Variants in CDCA7L observed in about 807,000 individuals in gnomAD.
CDCA7L encodes the protein cell division cycle associated 7 like.
A neutral mutation model predicts 57.4 loss-of-function variants in CDCA7L; 44 were observed. The observed-to-expected ratio is 0.77, with a 90% CI of 0.60 to 0.98. CDCA7L has a LOEUF of 0.98. Among genes scored for constraint, CDCA7L ranks in the 50% least tolerant of loss-of-function variants. CDCA7L has a pLI of 0.00. For missense variants in CDCA7L, 644 were observed against 580.6 expected (o/e 1.11, Z -1.12); for synonymous variants, 236 against 202.8 (o/e 1.16, Z -1.39).
At chr7:21,934,853 T>C (rs1786117113) in intron 1 of CDCA7L, among the ~76,000 whole-genome samples, 1 of 152,190 alleles carries the variant, frequency 6.6e-6, no homozygotes, top group African/African-American at 2.4e-5. Context: ...GCCAATTCAC[T>C]AGAAGATAGA....
intron 1 of CDCA7L, among the ~76,000 whole-genome samples, chr7:21,941,595 G>T (rs939778653): frequency 2.0e-5 from 3 of 152,106 alleles, no homozygotes; most frequent in African/African-American, 7.2e-5. Flanking sequence ...GCATAATCTG[G>T]TGAGTTCCTA....
intron 1 of CDCA7L, among the ~76,000 whole-genome samples, chr7:21,919,917 G>A (rs1199739331): frequency 6.6e-6 from 1 of 152,098 alleles, no homozygotes; most frequent in East Asian, 1.9e-4. Context: ...CATTGTACAT[G>A]GTTATGCAAA....
intron 1 of CDCA7L, among the ~76,000 whole-genome samples, chr7:21,926,565 C>G (rs1282874160): frequency 6.6e-6 from 1 of 152,142 alleles, no homozygotes; most frequent in African/African-American, 2.4e-5. Flanking sequence ...CATTAAGGAA[C>G]TGCAAACCAA....
In CDCA7L at chr7:21,911,627, G is replaced by A; in HGVS notation, c.293C>T (p.Pro98Leu). 6.2e-7 allele frequency: 1 copy of A among 1,612,334 alleles called. No individual in the cohort carries two copies. The highest frequency in any genetic ancestry group is 8.5e-7 in the Non-Finnish European group (1 of 1,179,552). Reference protein sequence around the residue: ...TQSDLNGKTNPEVMVVESDLS... With the variant: ...TQSDLNGKTNLEVMVVESDLS... ...TGTTGTAATTATTACCATTACTTCT[G>A]GGTTAGTCTTTCCATTCAGATCACT... The change falls in exon 3 of 10, where the codon CCA (proline) becomes CTA (leucine). Residue 98 changes from proline to leucine, a missense_variant. Physicochemically the swap from Pro to Leu is moderately conservative, Grantham distance 98. Coordinates refer to ENST00000406877, the MANE Select transcript of CDCA7L (RefSeq NM_018719.5).
intron 1 of CDCA7L, among the ~76,000 whole-genome samples, chr7:21,939,074 G>A (rs1786263350): frequency 1.3e-5 from 2 of 152,114 alleles, no homozygotes; most frequent in Admixed American, 6.5e-5. Flanking sequence ...TAATAACAAT[G>A]TTAAGTGAAA....
intron 1 of CDCA7L, among the ~76,000 whole-genome samples, chr7:21,938,152 T>C (rs564543998): frequency 6.6e-6 from 1 of 152,266 alleles, no homozygotes; most frequent in South Asian, 2.1e-4. Flanking sequence ...TATTTGCAAA[T>C]AATATCTAAT....
chr7:21,929,962 G>GCAGACCTAATAGACATCTA (rs1371788764), intron 1 of CDCA7L, among the ~76,000 whole-genome samples: 1 of 152,144 alleles, frequency 6.6e-6, no homozygotes, highest in Non-Finnish European at 1.5e-5. Flanking sequence ...TCTGGACCAA[G>GCAGACCTAATAGACATCTA]CAGACCTAAT....
At chr7:21,911,361 G>A (rs536806130) in intron 3 of CDCA7L, among the ~76,000 whole-genome samples, 1 of 152,110 alleles carries the variant, frequency 6.6e-6, no homozygotes, top group East Asian at 1.9e-4. Context: ...GACAATAAAG[G>A]ACGCCTGGGA....
At chr7:21,945,109 G>A (rs142470922) in intron 1 of CDCA7L, among the ~76,000 whole-genome samples, 166 of 152,222 alleles carry the variant, frequency 1.1e-3, no homozygotes, top group African/African-American at 3.5e-3. Context: ...TCACTGAAAC[G>A]TTTGGGGGAA....
rs60370798 is a variant in CDCA7L at position 21,902,243 on chromosome 7, ATCTT to A, written c.*75_*78del. The A allele has an allele frequency of 0.85, 1,142,155 of 1,337,966 alleles. 493,314 individuals carry two copies. The highest frequency in any genetic ancestry group is 0.89 in the Non-Finnish European group (834,838 of 936,206). The allele number at this position is 1,337,966 out of a possible 1,614,324, so 82.9% of individuals were successfully genotyped here. A position where few individuals can be genotyped will look rare whatever the true frequency, so the allele number is the denominator to read the frequency against. ...TGTATAAAAACACAACTGTAAAAAA[ATCTT>A]TCTTAGGCACCAATGGTATGCATGT... is the stretch of plus-strand genomic sequence containing the variant. On this transcript the variant is annotated 3_prime_UTR_variant, in exon 10 of 10. Coordinates refer to ENST00000406877, the MANE Select transcript of CDCA7L (RefSeq NM_018719.5).
At chr7:21,920,953 C>G (rs184969258) in intron 1 of CDCA7L, among the ~76,000 whole-genome samples, 6 of 152,254 alleles carry the variant, frequency 3.9e-5, no homozygotes, top group Non-Finnish European at 5.9e-5. Flanking sequence ...TTCAAACAGC[C>G]CTGCTGGCCC....
intron 1 of CDCA7L, among the ~76,000 whole-genome samples, chr7:21,938,867 A>T (rs1250266380): frequency 6.6e-6 from 1 of 152,018 alleles, no homozygotes; most frequent in East Asian, 1.9e-4. Context: ...AAAATTAGCC[A>T]AGCAGGGTAG....
chr7:21,925,158 T>C (rs879784846), intron 1 of CDCA7L, among the ~76,000 whole-genome samples: 8 of 152,126 alleles, frequency 5.3e-5, no homozygotes, highest in Admixed American at 4.6e-4. Context: ...ATTATTAAAA[T>C]TGCTAAAAAC....
intron 1 of CDCA7L, among the ~76,000 whole-genome samples, chr7:21,935,449 A>C (rs1583875938): frequency 6.6e-6 from 1 of 152,214 alleles, no homozygotes; most frequent in Non-Finnish European, 1.5e-5. Context: ...TCCAACCAAA[A>C]AACAAACCAT....
chr7:21,936,963 GACACAAAATCA>G (rs1786185933), intron 1 of CDCA7L, among the ~76,000 whole-genome samples: 1 of 152,044 alleles, frequency 6.6e-6, no homozygotes, highest in African/African-American at 2.4e-5. Flanking sequence ...GACATTGCAG[GACACAAAATCA>G]ACACAAAAAT....
rs779282166 is a variant in CDCA7L at position 21,908,369 on chromosome 7, A to T, written c.442T>A (p.Phe148Ile). The T allele has an allele frequency of 6.2e-7, 1 of 1,610,464 alleles. No individual in the cohort carries two copies. Among genetic ancestry groups the T allele is most frequent in the Admixed American group, 1.7e-5 (1 of 58,822 alleles). The stretch of plus-strand genomic sequence containing the variant: ...TTGTTGGCCAGCTTCTTGGTGGGGA[A>T]CTGAAAGGCTACTCGAAGACCAATA... The part of the protein sequence containing the change: ...SSIGLRVAFQ[F>I]PTKKLANKPD... Residue 148 changes from phenylalanine to isoleucine, a missense_variant, in exon 4 of 10, where the codon TTC (phenylalanine) becomes ATC (isoleucine). By Grantham distance (21) the Phe-to-Ile change is conservative. Coordinates refer to ENST00000406877, the MANE Select transcript of CDCA7L (RefSeq NM_018719.5).
chr7:21,914,280 G>A (rs1785416664), intron 2 of CDCA7L, among the ~76,000 whole-genome samples: 1 of 152,184 alleles, frequency 6.6e-6, no homozygotes, highest in South Asian at 2.1e-4. Flanking sequence ...TCAGAGGAAA[G>A]GAACAATACA....
intron 9 of CDCA7L, 158 bp downstream of exon 9, chr7:21,902,820 G>GAGCTTTTCCAATGCAAACAGATACAGA: frequency 1.5e-6 from 1 of 663,654 alleles, no homozygotes; most frequent in Admixed American, 3.0e-5. Flanking sequence ...TATCAGGCCT[G>GAGCTTTTCCAATGCAAACAGATACAGA]AGCTTTTCCA....
At chr7:21,936,311 C>T (rs1226919108) in intron 1 of CDCA7L, among the ~76,000 whole-genome samples, 1 of 152,146 alleles carries the variant, frequency 6.6e-6, no homozygotes, top group Admixed American at 6.5e-5. Flanking sequence ...GAAGGAGGAA[C>T]ACTTGAAACT....
Sources: gnomAD v4.1 joint callset for allele counts (sites outside exome capture counted in the v4.1 genomes callset) on GRCh38, gnomAD v4.1.1 for gene constraint, MANE v1.5 for transcripts, NCBI Gene and HGNC (gene_info 2026-07-23, HGNC 2026-07-21) for gene names.